The following RAB44 variants were observed in gnomAD, a reference collection of about 807,000 sequenced individuals.
RAB44 encodes ras-related protein Rab-44.
Under a neutral mutation model 93.3 loss-of-function variants are expected in RAB44, and 67 were observed. That is an observed-to-expected ratio of 0.72 (90% CI 0.59 to 0.88). The LOEUF (loss-of-function observed/expected upper bound fraction) is 0.88. Among genes scored for constraint, RAB44 ranks in the 40% least tolerant of loss-of-function variants. The pLI is 0.00. For synonymous variants in RAB44, 427 were observed against 520.3 expected, an observed-to-expected ratio of 0.82 and a Z score of 2.44; for missense variants, 1,064 against 1,261.7, an observed-to-expected ratio of 0.84 and a Z score of 2.37.
Position 36,722,333 on chromosome 6 carries a change from C to T in RAB44, c.2199C>T (p.Gly733=). The T allele has an allele frequency of 7.4e-7, 1 of 1,344,200 alleles. No homozygotes were observed. Among genetic ancestry groups the T allele is most frequent in the Non-Finnish European group, 9.5e-7 (1 of 1,049,400 alleles). The allele number at this position is 1,344,200 out of a possible 1,614,324, so 83.3% of individuals were successfully genotyped here. Reference sequence around the variant, plus strand: ...CACAGGCTCAGGTGGAAGCAGAAGGCCCCACTCCTGGAAAATCGGCACCTC... The same window carrying T: ...CACAGGCTCAGGTGGAAGCAGAAGGTCCCACTCCTGGAAAATCGGCACCTC... ...ATPQAQVEAE[G]PTPGKSAPPR... Residue 733 remains glycine (G), a synonymous_variant, in exon 9 of 14, where the codon GGC becomes GGT. Coordinates refer to ENST00000612677, the MANE Select transcript of RAB44 (RefSeq NM_001257357.2).
intron 6 of RAB44, 128 bp from the exon 7 acceptor site, chr6:36,718,365 G>A (rs1442727711): frequency 6.3e-6 from 3 of 477,662 alleles, no homozygotes; most frequent in Non-Finnish European, 1.0e-5. Context: ...GTTGTCCTGA[G>A]AACCCTCCCT....
chr6:36,727,741 ATCTTATATC>A, intron 11 of RAB44, 50 bp downstream of exon 11: 2 of 1,191,542 alleles, frequency 1.7e-6, no homozygotes, highest in Non-Finnish European at 2.4e-6. Flanking sequence ...GTCAAGAGGG[ATCTTATATC>A]CTGCCCACTC....
intron 9 of RAB44, among the ~76,000 whole-genome samples, chr6:36,723,963 G>A (rs1028496517): frequency 1.3e-5 from 2 of 151,428 alleles, no homozygotes; most frequent in Non-Finnish European, 1.5e-5. Context: ...CAGACCAGTC[G>A]GTAAATGACA....
At chr6:36,720,248 G>T (rs1387991626) in intron 7 of RAB44, 115 bp from the exon 8 acceptor site, 4 of 870,914 alleles carry the variant, frequency 4.6e-6, no homozygotes, top group Non-Finnish European at 4.5e-6. Context: ...ATTTAAGCTG[G>T]GTCTCCAGGA....
chr6:36,717,603 GA>G lies in RAB44; in HGVS notation c.641+185del, dbSNP rs1215001508. ...GGGAGGACAGAGTTGGTAATGGCAG[GA>G]GTGGGAAGGGCAGGGTGTGTCTTGG... On this transcript the variant is annotated intron_variant, in intron 5 of 13. Coordinates refer to ENST00000612677, the MANE Select transcript of RAB44 (RefSeq NM_001257357.2). The surrounding 1 kb of genome is among the most constrained non-coding windows in gnomAD (Gnocchi z 4.1). 2.6e-5 allele frequency among the ~76,000 whole-genome samples: 4 copies of G among 152,186 alleles called. No individual in the cohort carries two copies. Among genetic ancestry groups the G allele is most frequent in the South Asian group, 4.1e-4 (2 of 4,834 alleles).
Position 36,721,446 on chromosome 6 carries a change from G to A in RAB44, c.1312G>A (p.Val438Met). ...TGGGGCTCCAAGGACCCCACCTGGG[G>A]TGACTTTCAGCGCCAAGGACAATAA... Reference protein sequence around the residue: ...PDGAPRTPPGVTFSAKDNKGV... With the variant: ...PDGAPRTPPGMTFSAKDNKGV... Residue 438 changes from valine (V) to methionine (M), a missense_variant, in exon 9 of 14, where the codon GTG becomes ATG. By Grantham distance (21) the Val-to-Met change is conservative. Transcript: ENST00000612677. 1 of 1,234,450 alleles carries A rather than the reference G, an allele frequency of 8.1e-7. No homozygotes were observed. Among genetic ancestry groups the A allele is most frequent in the Non-Finnish European group, 1.0e-6 (1 of 988,268 alleles). 76.5% of individuals were successfully genotyped at this position (1,234,450 alleles called of 1,614,324 possible).
chr6:36,729,275 A>G (rs1050396444), intron 12 of RAB44, among the ~76,000 whole-genome samples: 11 of 152,174 alleles, frequency 7.2e-5, no homozygotes, highest in Non-Finnish European at 1.6e-4. Flanking sequence ...AGTGAACACT[A>G]TCTATTCATG....
chr6:36,706,346 A>G (rs1177986974), intron 2 of RAB44, among the ~76,000 whole-genome samples: 1 of 152,184 alleles, frequency 6.6e-6, no homozygotes, highest in Non-Finnish European at 1.5e-5. Flanking sequence ...TGGTTACCCA[A>G]CTTCTGTCCT....
In RAB44 at chr6:36,722,670, A is replaced by C; in HGVS notation, c.2536A>C (p.Lys846Gln). ...VIFLGDSNVG[K>Q]TSFLHLLHQN... The stretch of plus-strand genomic sequence containing the variant: ...CTTTCTGGGAGACTCCAACGTGGGC[A>C]AAACATCCTTCCTGCACCTGCTGCA... The change falls in exon 9 of 14, where the codon AAA becomes CAA. Residue 846 changes from lysine (K) to glutamine (Q), a missense_variant. Coordinates refer to ENST00000612677, the MANE Select transcript of RAB44 (RefSeq NM_001257357.2). 6.4e-7 allele frequency: 1 copy of C among 1,550,676 alleles called. No individual in the cohort carries two copies. Among genetic ancestry groups the C allele is most frequent in the South Asian group, 1.2e-5 (1 of 84,064 alleles).
At chr6:36,723,404 GGTT>G (rs1266643427) in intron 9 of RAB44, among the ~76,000 whole-genome samples, 2 of 152,050 alleles carry the variant, frequency 1.3e-5, no homozygotes, top group Non-Finnish European at 2.9e-5. Flanking sequence ...TAGTTATTAT[GGTT>G]GTTATTATTA....
In RAB44 at chr6:36,731,923, C is replaced by G; in HGVS notation, c.2976-80C>G. 1.1e-6 allele frequency: 1 copy of G among 949,584 alleles called. No homozygotes were observed. The highest frequency in any genetic ancestry group is 4.3e-5 in the Admixed American group (1 of 23,280). The allele number at this position is 949,584 out of a possible 1,614,324, so 58.8% of individuals were successfully genotyped here. On this transcript the variant is annotated intron_variant, in intron 13 of 13. Coordinates refer to ENST00000612677, the MANE Select transcript of RAB44 (RefSeq NM_001257357.2). This position sits in a 1 kb window ranked among gnomAD's most constrained non-coding sequence, Gnocchi z 4.0. ...GGGGGTTGTGGGTGCGGCCTCCCAC[C>G]CCCCAGCTGCACCCATGGGCCCATC...
At chr6:36,726,647 A>G (rs1280366051) in intron 10 of RAB44, among the ~76,000 whole-genome samples, 2 of 152,210 alleles carry the variant, frequency 1.3e-5, no homozygotes, top group Non-Finnish European at 2.9e-5. Flanking sequence ...AGGGACCAGG[A>G]CCAGTCATAG....
intron 11 of RAB44, among the ~76,000 whole-genome samples, 193 bp downstream of exon 11, chr6:36,727,884 A>T (rs236471): frequency 6.6e-6 from 1 of 152,034 alleles, no homozygotes; most frequent in Non-Finnish European, 1.5e-5. Context: ...CATAGTACAG[A>T]CTTCAAACCA....
Position 36,717,926 on chromosome 6 carries a change from G to A in RAB44, c.642-102G>A, listed in dbSNP as rs1762964775. 1 of 574,080 alleles carries A rather than the reference G, an allele frequency of 1.7e-6. No individual in the cohort carries two copies. The highest frequency in any genetic ancestry group is 2.6e-6 in the Non-Finnish European group (1 of 387,672). The allele number at this position is 574,080 out of a possible 1,614,324, so 35.6% of individuals were successfully genotyped here. A position where few individuals can be genotyped will look rare whatever the true frequency, so the allele number is the denominator to read the frequency against. ...AGTGACTGCTGGCAGAGTGAGGAAA[G>A]CAATAGGATGGATTCCAAACCCAAG... On this transcript the variant is annotated intron_variant, in intron 5 of 13. Transcript: ENST00000612677. This position sits in a 1 kb window ranked among gnomAD's most constrained non-coding sequence, Gnocchi z 4.1.
At chr6:36,704,572 G>T in intron 2 of RAB44, 130 bp downstream of exon 2, 1 of 795,110 alleles carries the variant, frequency 1.3e-6, no homozygotes, top group Non-Finnish European at 2.0e-6. Flanking sequence ...CTCAGAAAAC[G>T]CTAGGGATGT....
chr6:36,719,134 C>A (rs1343954073), intron 7 of RAB44, among the ~76,000 whole-genome samples: 1 of 152,138 alleles, frequency 6.6e-6, no homozygotes. Context: ...GTCTCAATCT[C>A]CTGACCTTGT....
intron 2 of RAB44, among the ~76,000 whole-genome samples, chr6:36,711,386 A>T (rs1230774272): frequency 6.6e-6 from 1 of 152,256 alleles, no homozygotes; most frequent in Non-Finnish European, 1.5e-5. Flanking sequence ...TATGAAAAAC[A>T]GAATGTATAC....
rs1763090044 is a variant in RAB44, at chr6:36,721,765, G to C, written c.1631G>C (p.Gly544Ala). 2 of 1,234,530 alleles carry C rather than the reference G, an allele frequency of 1.6e-6. No homozygotes were observed. Among genetic ancestry groups the C allele is most frequent in the Non-Finnish European group, 2.0e-6 (2 of 988,360 alleles). The allele number at this position is 1,234,530 out of a possible 1,614,324, so 76.5% of individuals were successfully genotyped here. ...SWAPPSGAQP[G>A]AGAGPQEPTQ... ...GCTCCTCCCAGCGGGGCTCAGCCTG[G>C]GGCTGGAGCAGGACCCCAGGAACCC... Residue 544 changes from glycine (G) to alanine (A), a missense_variant, in exon 9 of 14, where the codon GGG becomes GCG. Coordinates refer to ENST00000612677, the MANE Select transcript of RAB44 (RefSeq NM_001257357.2).
At chr6:36,706,747 G>C (rs1187568738) in intron 2 of RAB44, among the ~76,000 whole-genome samples, 2 of 148,618 alleles carry the variant, frequency 1.3e-5, no homozygotes, top group Non-Finnish European at 3.0e-5. Flanking sequence ...TTTTTTTTGA[G>C]ACAGGGTCTT....
Sources: gnomAD v4.1 joint callset for allele counts (sites outside exome capture counted in the v4.1 genomes callset) on GRCh38, gnomAD v4.1.1 for gene constraint, Gnocchi (gnomAD v3.1) non-coding constraint, MANE v1.5 for transcripts, NCBI Gene and HGNC (gene_info 2026-07-23, HGNC 2026-07-21) for gene names.